The following RNF114 variants were observed in gnomAD, a reference collection of about 807,000 sequenced individuals.
RNF114 encodes the protein ring finger protein 114, also known as E3 ubiquitin-protein ligase RNF114.
A neutral mutation model predicts 28.4 loss-of-function variants in RNF114; 6 were observed. The ratio of observed to expected loss-of-function variants is 0.21; its 90% CI spans 0.12 to 0.42. RNF114 has a LOEUF of 0.42. Ranked by LOEUF, RNF114 falls within the 10% of genes least tolerant of loss-of-function variation. The probability of loss-of-function intolerance (pLI) is 1.00; values close to 1 mark genes in which losing one functional copy is unlikely to be tolerated. For missense variants in RNF114, 249 were observed against 311.7 expected (o/e 0.80, Z 1.51); for synonymous variants, 115 against 116.7 (o/e 0.99, Z 0.09).
intron 1 of RNF114, among the ~76,000 whole-genome samples, chr20:49,937,978 TG>T (rs1337351388): frequency 6.6e-6 from 1 of 152,174 alleles, no homozygotes; most frequent in African/African-American, 2.4e-5. Context: ...GTCAAACTAT[TG>T]TAAAAATTCA....
At chr20:49,948,015 C>A (rs944313658) in intron 4 of RNF114, among the ~76,000 whole-genome samples, 1 of 151,776 alleles carries the variant, frequency 6.6e-6, no homozygotes, top group Non-Finnish European at 1.5e-5. Context: ...TGGTCTCGAT[C>A]TCCTGACCTC....
At chr20:49,939,973 G>A (rs1286000099) in intron 1 of RNF114, among the ~76,000 whole-genome samples, 1 of 149,370 alleles carries the variant, frequency 6.7e-6, no homozygotes, top group African/African-American at 2.4e-5. Flanking sequence ...AGAATCGCTT[G>A]GACCGGGGAG....
chr20:49,940,965 T>A (rs970716718), intron 1 of RNF114: 1 of 152,278 alleles, frequency 6.6e-6, no homozygotes, highest in African/African-American at 2.4e-5. Context: ...GGTCTCAAAC[T>A]CCTGACCTCG....
intron 5 of RNF114, among the ~76,000 whole-genome samples, chr20:49,950,244 G>A (rs1398887045): frequency 6.8e-6 from 1 of 146,076 alleles, no homozygotes; most frequent in African/African-American, 2.5e-5. Context: ...GAGCAAGACT[G>A]TCTCAAAACA....
chr20:49,947,769 G>GTTTTTTTTTGTTTTGTTTTT (rs2090338798), intron 4 of RNF114, among the ~76,000 whole-genome samples: 1 of 50,422 alleles, frequency 2.0e-5, no homozygotes, highest in African/African-American at 8.4e-5. Flanking sequence ...CCCTCTGCAA[G>GTTTTTTTTTGTTTTGTTTTT]TTTTTTTTTT....
At chr20:49,949,150 G>C in intron 4 of RNF114, 98 bp from the exon 5 acceptor site, 1 of 940,880 alleles carries the variant, frequency 1.1e-6, no homozygotes, top group Non-Finnish European at 1.7e-6. Flanking sequence ...AGTATGTCAG[G>C]AAAGCTGTCC....
At chr20:49,948,514 T>G (rs1403849442) in intron 4 of RNF114, among the ~76,000 whole-genome samples, 1 of 151,542 alleles carries the variant, frequency 6.6e-6, no homozygotes, top group East Asian at 1.9e-4. Context: ...CTTGGCTCAC[T>G]GCAACCTCCA....
chr20:49,940,772 C>T (rs929917766), intron 1 of RNF114, among the ~76,000 whole-genome samples: 1 of 151,432 alleles, frequency 6.6e-6, no homozygotes, highest in African/African-American at 2.4e-5. Flanking sequence ...CCCTCCACCC[C>T]CCCCTTGAGA....
At chr20:49,949,390 G>A in intron 5 of RNF114, 35 bp downstream of exon 5, 2 of 1,543,452 alleles carry the variant, frequency 1.3e-6, no homozygotes, top group South Asian at 1.1e-5. Flanking sequence ...TCCCTCCCCT[G>A]GGGGAGTGGC....
intron 5 of RNF114, among the ~76,000 whole-genome samples, chr20:49,950,712 C>A (rs1022613547): frequency 6.7e-6 from 1 of 150,310 alleles, no homozygotes; most frequent in Non-Finnish European, 1.5e-5. Context: ...AAAACACACA[C>A]ACACAACAAC....
intron 5 of RNF114, among the ~76,000 whole-genome samples, chr20:49,950,409 G>A (rs1568921868): frequency 6.6e-6 from 1 of 152,076 alleles, no homozygotes. Flanking sequence ...GTGCGGTGCA[G>A]TGGTTCATAC....
At chr20:49,945,526 C>T in intron 3 of RNF114, 38 bp downstream of exon 3, 1 of 1,245,276 alleles carries the variant, frequency 8.0e-7, no homozygotes, top group Non-Finnish European at 1.2e-6. Context: ...GAGGTCATCT[C>T]TTGCTATTAA....
At chr20:49,937,347 T>C (rs2090291367) in intron 1 of RNF114, among the ~76,000 whole-genome samples, 1 of 152,228 alleles carries the variant, frequency 6.6e-6, no homozygotes, top group Non-Finnish European at 1.5e-5. Context: ...GGCCACCTGC[T>C]TCTTGCCTCA....
intron 4 of RNF114, among the ~76,000 whole-genome samples, chr20:49,947,770 T>G (rs78215851): frequency 2.8e-4 from 2 of 7,190 alleles, no homozygotes; most frequent in African/African-American, 6.4e-4. Flanking sequence ...CCTCTGCAAG[T>G]TTTTTTTTTT....
At chr20:49,940,836 G>C (rs996221449) in intron 1 of RNF114, among the ~76,000 whole-genome samples, 1 of 151,328 alleles carries the variant, frequency 6.6e-6, no homozygotes, top group Non-Finnish European at 1.5e-5. Context: ...CTGCCTCCCA[G>C]GTTCAAGCAA....
chr20:49,951,990 G>T, intron 5 of RNF114, 86 bp from the exon 6 acceptor site: 1 of 1,167,716 alleles, frequency 8.6e-7, no homozygotes, highest in Non-Finnish European at 1.3e-6. Flanking sequence ...TCCGGATCCA[G>T]TTGCTAGGCT....
intron 2 of RNF114, 185 bp downstream of exon 2, chr20:49,941,896 T>C: frequency 1.9e-6 from 1 of 539,022 alleles, no homozygotes; most frequent in Non-Finnish European, 3.2e-6. Flanking sequence ...TTTGTTTCTT[T>C]TTTTAAGAGT....
intron 3 of RNF114, 31 bp from the exon 4 acceptor site, chr20:49,946,104 AG>A: frequency 7.8e-7 from 1 of 1,283,698 alleles, no homozygotes; most frequent in Non-Finnish European, 1.1e-6. Flanking sequence ...CTCACAGAAA[AG>A]TTTTCTTTTT....
chr20:49,951,974 A>ACCTGCTCCGGATCCAGTTGCTAGGCTGT (rs2090356926), intron 5 of RNF114, 102 bp from the exon 6 acceptor site: 2 of 926,588 alleles, frequency 2.2e-6, no homozygotes, highest in African/African-American at 1.6e-5. Context: ...GTCCCTGGCA[A>ACCTGCTCCGGATCCAGTTGCTAGGCTGT]CCTGCTCCGG....
Sources: gnomAD v4.1 joint callset for allele counts (sites outside exome capture counted in the v4.1 genomes callset) on GRCh38, gnomAD v4.1.1 for gene constraint, MANE v1.5 for transcripts, NCBI Gene and HGNC (gene_info 2026-07-23, HGNC 2026-07-21) for gene names.